CRHR1: variants seen among roughly 807,000 people sequenced by gnomAD.
CRHR1 encodes corticotropin releasing hormone receptor 1, also known as corticotropin-releasing hormone receptor 1.
A neutral mutation model predicts 56.0 loss-of-function variants in CRHR1; 28 were observed. The ratio of observed to expected loss-of-function variants is 0.50; its 90% CI spans 0.37 to 0.69. The LOEUF is 0.69. CRHR1 is among the 30% of genes least tolerant of loss of function. The probability of loss-of-function intolerance (pLI) is 0.00; values close to 1 mark genes in which losing one functional copy is unlikely to be tolerated. For missense variants in CRHR1, 376 were observed against 548.0 expected, an observed-to-expected ratio of 0.69 and a Z score of 3.13; for synonymous variants, 195 against 216.5, an observed-to-expected ratio of 0.90 and a Z score of 0.87.
chr17:45,815,036 A>G (rs2061899126), intron 2 of CRHR1, among the ~76,000 whole-genome samples: 1 of 152,246 alleles, frequency 6.6e-6, no homozygotes, highest in African/African-American at 2.4e-5. Flanking sequence ...AATTTAACCC[A>G]GTGCTGTTTC....
At chr17:45,816,812 C>T (rs569657685) in intron 3 of CRHR1, among the ~76,000 whole-genome samples, 2 of 152,316 alleles carry the variant, frequency 1.3e-5, no homozygotes, top group Non-Finnish European at 1.5e-5. Flanking sequence ...TAACTAAGGC[C>T]CCTGGGGCTC....
chr17:45,833,920 G>A, intron 11 of CRHR1, 71 bp downstream of exon 11: 1 of 1,612,736 alleles, frequency 6.2e-7, no homozygotes, highest in Middle Eastern at 1.6e-4. Flanking sequence ...CTGGAGGGCA[G>A]GAGGCCAGGG....
At chr17:45,807,336 G>T (rs1169889393) in intron 2 of CRHR1, among the ~76,000 whole-genome samples, 1 of 152,210 alleles carries the variant, frequency 6.6e-6, no homozygotes, top group Non-Finnish European at 1.5e-5. Context: ...CCTGCCGTGG[G>T]CACAGGAGTT....
intron 4 of CRHR1, among the ~76,000 whole-genome samples, chr17:45,822,051 G>C (rs62057115): frequency 0.14 from 21,818 of 151,992 alleles, 2,136 homozygotes; most frequent in Middle Eastern, 0.22. Flanking sequence ...TCCTTCCAGA[G>C]ACATTCTCCG....
At chr17:45,818,443 AG>A (rs1393572625) in intron 3 of CRHR1, among the ~76,000 whole-genome samples, 1 of 152,218 alleles carries the variant, frequency 6.6e-6, no homozygotes, top group Non-Finnish European at 1.5e-5. Flanking sequence ...AGGAGTCCTA[AG>A]TTCTCATTCC....
chr17:45,803,441 C>A (rs934077106), intron 1 of CRHR1, among the ~76,000 whole-genome samples: 7 of 152,134 alleles, frequency 4.6e-5, no homozygotes, highest in African/African-American at 1.4e-4. Flanking sequence ...GGCTGGAGTG[C>A]AATGGCGTGA....
At chr17:45,808,488 T>C (rs950066120) in intron 2 of CRHR1, among the ~76,000 whole-genome samples, 1 of 152,208 alleles carries the variant, frequency 6.6e-6, no homozygotes, top group African/African-American at 2.4e-5. Context: ...TCAACCCCTC[T>C]TGAACCTCAC....
intron 2 of CRHR1, among the ~76,000 whole-genome samples, chr17:45,808,874 C>A (rs1322134952): frequency 6.6e-6 from 1 of 152,192 alleles, no homozygotes; most frequent in Non-Finnish European, 1.5e-5. Context: ...TGCAGTGGCA[C>A]AATCATAGCT....
At position 45,830,792 on chromosome 17, in the gene CRHR1, C is replaced by T. The variant is rs1391123817; in HGVS notation, c.710-88C>T. On this transcript the variant is annotated intron_variant, in intron 7 of 12. Transcript: ENST00000314537. ...GATCCACCCTGAGTAACCCCAGACC[C>T]CCTGGAGCCTGGGCTGCACTGGGGT... 2.9e-6 allele frequency: 4 copies of T among 1,393,854 alleles called. No individual in the cohort carries two copies. In the African/African-American group the frequency reaches 4.3e-5, roughly 15 times the overall value. 86.3% of individuals were successfully genotyped at this position (1,393,854 alleles called of 1,614,324 possible).
chr17:45,798,186 C>T lies in CRHR1; in HGVS notation c.34-8824C>T, dbSNP rs370208373. Among the ~76,000 whole-genome samples, 415 of 152,286 alleles carry T rather than the reference C, an allele frequency of 2.7e-3. 2 individuals carry two copies. Among genetic ancestry groups the T allele is most frequent in the African/African-American group, 9.3e-3 (387 of 41,556 alleles). ...TTCAGTCATTTATTCATTCAACAAA[C>T]ATGTTGGGGCCTGCTCTGTATCGGG... On this transcript the variant is annotated intron_variant, in intron 1 of 12. Coordinates refer to ENST00000314537, the MANE Select transcript of CRHR1 (RefSeq NM_004382.5).
At chr17:45,789,073 G>A (rs954410325) in intron 1 of CRHR1, among the ~76,000 whole-genome samples, 1 of 152,176 alleles carries the variant, frequency 6.6e-6, no homozygotes, top group African/African-American at 2.4e-5. Flanking sequence ...TCCCTTGAGG[G>A]TAGAGCCTCA....
At chr17:45,805,343 C>T (rs1012455801) in intron 1 of CRHR1, among the ~76,000 whole-genome samples, 3 of 152,126 alleles carry the variant, frequency 2.0e-5, no homozygotes, top group East Asian at 1.9e-4. Context: ...CGTGGAGTCC[C>T]GGCCCCTTGT....
rs2061932077 is a variant in CRHR1, at chr17:45,816,527, G to A, written c.186G>A (p.Gln62=). The change falls in exon 3 of 13, where the codon CAG becomes CAA. Residue 62 remains glutamine (Q), a synonymous_variant. Coordinates refer to ENST00000314537, the MANE Select transcript of CRHR1 (RefSeq NM_004382.5). ...GTCWPRSPAG[Q]LVVRPCPAFF... is the part of the protein sequence containing the mutation. ...GCTGGCCCCGCAGCCCTGCGGGGCA[G>A]CTAGTGGTTCGGCCCTGCCCTGCCT... 2 of 1,614,064 alleles carry A rather than the reference G, an allele frequency of 1.2e-6. No homozygotes were observed. Among genetic ancestry groups the A allele is most frequent in the South Asian group, 2.2e-5 (2 of 91,082 alleles).
rs2061736954 is a variant in CRHR1 at position 45,807,224 on chromosome 17, G to A, written c.121+127G>A. The A allele has an allele frequency of 1.6e-5, 13 of 814,346 alleles. No homozygotes were observed. In the South Asian group the frequency reaches 2.1e-4, roughly 13 times the overall value. The allele number at this position is 814,346 out of a possible 1,614,324, so 50.4% of individuals were successfully genotyped here. On this transcript the variant is annotated intron_variant, in intron 2 of 12. Transcript: ENST00000314537. ...ATTTGCAGAGTCATTTCCTCTCCAG[G>A]GCTCCAAGCAATTCTTCACATCTCC...
At chr17:45,831,309 T>C (rs111284295) in intron 8 of CRHR1, among the ~76,000 whole-genome samples, 51 of 152,382 alleles carry the variant, frequency 3.3e-4, no homozygotes, top group African/African-American at 1.2e-3. Flanking sequence ...TGGGGTGATA[T>C]GAGTCCATCT....
intron 4 of CRHR1, among the ~76,000 whole-genome samples, chr17:45,828,773 A>G (rs1267473636): frequency 1.3e-5 from 2 of 152,220 alleles, no homozygotes; most frequent in Non-Finnish European, 2.9e-5. Flanking sequence ...GTGGCTGAGA[A>G]GGTGGTGACT....
intron 2 of CRHR1, among the ~76,000 whole-genome samples, chr17:45,810,509 G>A (rs1179376672): frequency 3.9e-5 from 6 of 152,070 alleles, no homozygotes; most frequent in Non-Finnish European, 8.8e-5. Flanking sequence ...AACCATGTGG[G>A]CCTGACTTCA....
At chr17:45,793,539 A>G (rs989946698) in intron 1 of CRHR1, among the ~76,000 whole-genome samples, 2 of 152,218 alleles carry the variant, frequency 1.3e-5, no homozygotes, top group Non-Finnish European at 2.9e-5. Flanking sequence ...GAGCACTGGC[A>G]TTCCTGGTAC....
chr17:45,821,635 A>G (rs1210708574), intron 4 of CRHR1, among the ~76,000 whole-genome samples, 195 bp downstream of exon 4: 1 of 152,220 alleles, frequency 6.6e-6, no homozygotes, highest in Non-Finnish European at 1.5e-5. Flanking sequence ...AGGCTGGACC[A>G]ATGGGGCACT....
Sources: allele counts gnomAD v4.1 joint callset (sites outside exome capture counted in the v4.1 genomes callset), GRCh38; gene constraint gnomAD v4.1.1; transcripts MANE v1.5; gene names NCBI Gene and HGNC (gene_info 2026-07-23, HGNC 2026-07-21).